CHD9: variants seen among roughly 807,000 people sequenced by gnomAD.
CHD9 encodes the protein chromodomain helicase DNA binding protein 9.
CHD9 carries 77 observed loss-of-function variants against 316.1 expected under a neutral mutation model. The ratio of observed to expected loss-of-function variants is 0.24; its 90% CI spans 0.20 to 0.29. CHD9 has a LOEUF of 0.29. Ranked by LOEUF, CHD9 falls within the 10% of genes least tolerant of loss-of-function variation. The pLI is 1.00. For missense variants in CHD9, 2,763 were observed against 3,438.1 expected, an observed-to-expected ratio of 0.80 and a Z score of 4.91; for synonymous variants, 1,129 against 1,158.3, an observed-to-expected ratio of 0.97 and a Z score of 0.51.
intron 24 of CHD9, among the ~76,000 whole-genome samples, chr16:53,274,780 C>T (rs987008631): frequency 3.9e-4 from 60 of 152,020 alleles, no homozygotes; most frequent in African/African-American, 1.3e-3. Flanking sequence ...TTTTCAATAA[C>T]ATGATGAGGC....
intron 24 of CHD9, among the ~76,000 whole-genome samples, chr16:53,284,182 C>A (rs543247114): frequency 6.0e-4 from 91 of 152,158 alleles, no homozygotes; most frequent in African/African-American, 2.1e-3. Flanking sequence ...GATGCCAAGA[C>A]AGATGAAATT....
intron 2 of CHD9, among the ~76,000 whole-genome samples, chr16:53,167,601 C>G (rs1163347068): frequency 6.6e-6 from 1 of 150,950 alleles, no homozygotes; most frequent in Non-Finnish European, 1.5e-5. Context: ...AGGTGTTCCT[C>G]TAAGTTTCTA....
chr16:53,245,927 A>G lies in CHD9; in HGVS notation c.3454+77A>G, dbSNP rs2152956893. ...TGAATAAATAAACAGAACACACTAC[A>G]GCTGTAGTGGCTGTTATGACTCTCC... On this transcript the variant is annotated intron_variant, in intron 15 of 38. Coordinates refer to ENST00000447540, the MANE Select transcript of CHD9 (RefSeq NM_001308319.2). The surrounding 1 kb of genome is among the most constrained non-coding windows in gnomAD (Gnocchi z 4.1). The G allele has an allele frequency of 5.7e-6, 6 of 1,044,164 alleles. No homozygotes were observed. The highest frequency in any genetic ancestry group is 7.9e-6 in the Non-Finnish European group (6 of 762,138). 64.7% of individuals were successfully genotyped at this position (1,044,164 alleles called of 1,614,324 possible). A position where few individuals can be genotyped will look rare whatever the true frequency, so the allele number is the denominator to read the frequency against.
chr16:53,066,040 C>G (rs565989203), intron 1 of CHD9, among the ~76,000 whole-genome samples: 8 of 152,248 alleles, frequency 5.3e-5, no homozygotes, highest in African/African-American at 1.9e-4. Flanking sequence ...ACTGCATACC[C>G]ACGAGTAAGA....
intron 7 of CHD9, chr16:53,227,815 G>A (rs941349726): frequency 2.9e-5 from 5 of 174,914 alleles, no homozygotes; most frequent in Non-Finnish European, 4.7e-5. Flanking sequence ...GCCAGGTGTG[G>A]TGGCTCACAT....
chr16:53,283,464 T>G (rs551762174), intron 24 of CHD9, among the ~76,000 whole-genome samples: 227 of 152,298 alleles, frequency 1.5e-3, no homozygotes, highest in Non-Finnish European at 4.3e-4. Context: ...TGCCTTTTCC[T>G]CTTTACAAGC....
At chr16:53,114,879 G>T (rs1463399576) in intron 1 of CHD9, among the ~76,000 whole-genome samples, 6 of 152,210 alleles carry the variant, frequency 3.9e-5, no homozygotes, top group Non-Finnish European at 8.8e-5. Context: ...GAGCCACCGT[G>T]CCAGGCCAGC....
intron 2 of CHD9, among the ~76,000 whole-genome samples, chr16:53,207,533 ATTT>A (rs2045981277): frequency 6.6e-6 from 1 of 152,150 alleles, no homozygotes. Context: ...TCATTTCTGT[ATTT>A]TCAAAATAAC....
chr16:53,110,520 G>C (rs1192665208), intron 1 of CHD9, among the ~76,000 whole-genome samples: 1 of 152,186 alleles, frequency 6.6e-6, no homozygotes, highest in Non-Finnish European at 1.5e-5. Context: ...CAGCACTTTG[G>C]GAGGCCAAGG....
In CHD9 at chr16:53,236,320, G is replaced by A. The variant is rs775649631; in HGVS notation, c.2633+1014G>A. Among the ~76,000 whole-genome samples the A allele has an allele frequency of 7.0e-4, 107 of 152,004 alleles. 2 individuals are homozygous for A. The highest frequency in any genetic ancestry group is 2.1e-4 in the Non-Finnish European group (14 of 67,990). On this transcript the variant is annotated intron_variant, in intron 11 of 38. Transcript: ENST00000447540. Reference sequence around the variant, plus strand: ...TCATAGAGAAACCCGGGGATGGTAGGTAAACTCATCCAAGTTCTTGCTTGC... The same window carrying A: ...TCATAGAGAAACCCGGGGATGGTAGATAAACTCATCCAAGTTCTTGCTTGC...
rs757366923 is a variant in CHD9, at chr16:53,324,390, T to A, written c.8189T>A (p.Leu2730His). Residue 2730 changes from leucine to histidine, a missense_variant, in exon 39 of 39, where the codon CTC (leucine) becomes CAC (histidine). This residue lies in a region of CHD9 where 298 missense variants were observed against 380.2 expected (regional missense o/e 0.78). Coordinates refer to ENST00000447540, the MANE Select transcript of CHD9 (RefSeq NM_001308319.2). ...GLPNLLGMGG[L>H]LTKPTESGTE... ...CCAAATCTGTTGGGCATGGGAGGAC[T>A]CCTGACAAAGCCTACGGAATCTGGG... The A allele has an allele frequency of 1.2e-6, 2 of 1,613,946 alleles. No individual in the cohort carries two copies. Among genetic ancestry groups the A allele is most frequent in the Non-Finnish European group, 1.7e-6 (2 of 1,179,868 alleles).
At chr16:53,321,277 A>G (rs1212223892) in intron 37 of CHD9, 4 of 1,346,738 alleles carry the variant, frequency 3.0e-6, no homozygotes, top group Non-Finnish European at 3.8e-6. Context: ...CCAGCATGGT[A>G]GTTATTCATT....
chr16:53,093,175 T>C (rs2036097393), intron 1 of CHD9, among the ~76,000 whole-genome samples: 1 of 152,238 alleles, frequency 6.6e-6, no homozygotes, highest in African/African-American at 2.4e-5. Flanking sequence ...GCCACCCCTA[T>C]GTTCCATTTT....
At chr16:53,114,960 C>G (rs12931052) in intron 1 of CHD9, among the ~76,000 whole-genome samples, 4 of 152,146 alleles carry the variant, frequency 2.6e-5, no homozygotes, top group Non-Finnish European at 4.4e-5. Flanking sequence ...CCTCTTACTT[C>G]TACAGCTAAA....
chr16:53,250,157 T>C, intron 17 of CHD9, 91 bp downstream of exon 17: 1 of 777,818 alleles, frequency 1.3e-6, no homozygotes, highest in Non-Finnish European at 2.1e-6. Context: ...TATTTTTATC[T>C]GGACAAACTA....
chr16:53,169,558 C>A (rs2042528621), intron 2 of CHD9: 6 of 151,748 alleles, frequency 4.0e-5, no homozygotes, highest in Admixed American at 3.9e-4. Context: ...AGAATAGTAC[C>A]CTTTACATAT....
chr16:53,228,946 G>T (rs1191569233), intron 7 of CHD9, 37 bp from the exon 8 acceptor site: 8 of 939,378 alleles, frequency 8.5e-6, no homozygotes, highest in Non-Finnish European at 1.3e-5. Flanking sequence ...ATGGTTATCT[G>T]TGTCATTCTA....
In CHD9 at chr16:53,156,585, C is replaced by A. The variant is rs2041537132; in HGVS notation, c.496C>A (p.Gln166Lys). ...FVAHHDFALF[Q>K]ANEQQTQCTS... ...GGCACACCATGACTTTGCCTTATTT[C>A]AGGCCAATGAACAACAAACACAGTG... Residue 166 changes from glutamine (Q) to lysine (K), a missense_variant, in exon 2 of 39, where the codon CAG (glutamine) becomes AAG (lysine). Gln to Lys is a moderately conservative substitution (Grantham distance 53). Around this residue, in one of 15 missense-constraint regions of CHD9, gnomAD observed 859 missense variants for 890.4 expected, o/e 0.96. Coordinates refer to ENST00000447540, the MANE Select transcript of CHD9 (RefSeq NM_001308319.2). The A allele has an allele frequency of 5.0e-6, 8 of 1,613,838 alleles. No individual in the cohort carries two copies. Among genetic ancestry groups the A allele is most frequent in the Non-Finnish European group, 5.9e-6 (7 of 1,179,890 alleles).
intron 23 of CHD9, 55 bp from the exon 24 acceptor site, chr16:53,274,158 A>G (rs746620531): frequency 2.9e-5 from 32 of 1,105,940 alleles, no homozygotes; most frequent in Non-Finnish European, 4.3e-5. Context: ...CCATGTCCGA[A>G]TATTTTAAAC....
Sources: allele counts gnomAD v4.1 joint callset (sites outside exome capture counted in the v4.1 genomes callset), GRCh38; gene constraint gnomAD v4.1.1; regional missense constraint gnomAD v4.1.1; non-coding constraint Gnocchi (gnomAD v3.1); transcripts MANE v1.5; gene names NCBI Gene and HGNC (gene_info 2026-07-23, HGNC 2026-07-21).